Variants in TRPM3 observed in about 807,000 individuals in gnomAD.
TRPM3 encodes transient receptor potential cation channel subfamily M member 3.
A neutral mutation model predicts 181.2 loss-of-function variants in TRPM3; 77 were observed. The observed-to-expected ratio is 0.42, with a 90% CI of 0.35 to 0.51. The LOEUF is 0.51. TRPM3 is among the 20% of genes least tolerant of loss of function. TRPM3 has a pLI of 0.01. For missense variants in TRPM3, 1,759 were observed against 2,196.7 expected (o/e 0.80, Z 3.98); for synonymous variants, 745 against 796.4 (o/e 0.94, Z 1.09).
intron 1 of TRPM3, among the ~76,000 whole-genome samples, chr9:70,958,920 T>C (rs988983934): frequency 1.2e-4 from 18 of 149,794 alleles, no homozygotes; most frequent in Non-Finnish European, 2.5e-4. Flanking sequence ...AACCAAACAC[T>C]GCATGTTCTC....
chr9:71,044,760 C>T (rs2059231395), intron 1 of TRPM3, among the ~76,000 whole-genome samples: 1 of 152,106 alleles, frequency 6.6e-6, no homozygotes, highest in Non-Finnish European at 1.5e-5. Flanking sequence ...CAACCTCCGC[C>T]TCCCGGGTTC....
intron 7 of TRPM3, among the ~76,000 whole-genome samples, chr9:70,770,146 C>T (rs1029123756): frequency 6.6e-6 from 1 of 152,192 alleles, no homozygotes. Context: ...TGGCTCACAC[C>T]TATAATCCCA....
intron 1 of TRPM3, among the ~76,000 whole-genome samples, chr9:71,417,151 A>T (rs2093648897): frequency 6.6e-6 from 1 of 151,974 alleles, no homozygotes; most frequent in African/African-American, 2.4e-5. Context: ...GTGTGGTCAT[A>T]TATTTTCACT....
intron 6 of TRPM3, among the ~76,000 whole-genome samples, chr9:70,804,004 C>A (rs1045821358): frequency 6.6e-6 from 1 of 152,130 alleles, no homozygotes; most frequent in East Asian, 1.9e-4. Context: ...GAGACTAGGA[C>A]TGCCTTCCTC....
At position 71,282,903 on chromosome 9, in the gene TRPM3, C is replaced by A. The variant is rs1026835242; in HGVS notation, c.183+163750G>T. On this transcript the variant is annotated intron_variant, in intron 1 of 24. Transcript: ENST00000357533. ...CTTGTAAGAATGTCTGTCCCTACCC[C>A]TCGGGGCACCGCTGGACGACCATTC... 3.9e-5 allele frequency among the ~76,000 whole-genome samples: 6 copies of A among 152,092 alleles called. No homozygotes were observed. In the South Asian group the frequency reaches 1.2e-3, roughly 31 times the overall value.
At chr9:71,436,309 T>G (rs1407936804) in intron 1 of TRPM3, among the ~76,000 whole-genome samples, 1 of 144,368 alleles carries the variant, frequency 6.9e-6, no homozygotes. Flanking sequence ...TTTTTTTTTT[T>G]TTTTTTTTTT....
At chr9:71,298,331 A>G (rs1300528070) in intron 1 of TRPM3, among the ~76,000 whole-genome samples, 1 of 152,124 alleles carries the variant, frequency 6.6e-6, no homozygotes, top group Non-Finnish European at 1.5e-5. Context: ...TTTCCTTATT[A>G]TGAAGATCAA....
intron 1 of TRPM3, among the ~76,000 whole-genome samples, chr9:71,324,850 G>A (rs1367156138): frequency 6.6e-6 from 1 of 152,050 alleles, no homozygotes; most frequent in Non-Finnish European, 1.5e-5. Context: ...TATCTTAAGT[G>A]AAACAAATAT....
intron 1 of TRPM3, among the ~76,000 whole-genome samples, chr9:71,113,390 C>T (rs1488866056): frequency 1.3e-5 from 2 of 152,104 alleles, no homozygotes; most frequent in African/African-American, 4.8e-5. Flanking sequence ...AATGGGTGAT[C>T]CTAGCAGTTG....
At chr9:71,270,224 C>T (rs1465921535) in intron 1 of TRPM3, among the ~76,000 whole-genome samples, 1 of 152,070 alleles carries the variant, frequency 6.6e-6, no homozygotes, top group African/African-American at 2.4e-5. Flanking sequence ...GTGGTGGGTG[C>T]CTGTAATCAC....
chr9:71,221,315 A>T (rs1504398), intron 1 of TRPM3, among the ~76,000 whole-genome samples: 2 of 151,950 alleles, frequency 1.3e-5, no homozygotes, highest in East Asian at 1.9e-4. Flanking sequence ...ATCCTACAGC[A>T]GAACTGTGCA....
intron 1 of TRPM3, among the ~76,000 whole-genome samples, chr9:70,969,851 T>C (rs1252695184): frequency 6.6e-6 from 1 of 151,198 alleles, no homozygotes; most frequent in East Asian, 1.9e-4. Context: ...GCTTGATACA[T>C]ACTGAATGGT....
chr9:70,895,375 C>T (rs2096267329), intron 1 of TRPM3, among the ~76,000 whole-genome samples: 1 of 152,192 alleles, frequency 6.6e-6, no homozygotes, highest in Non-Finnish European at 1.5e-5. Context: ...TTGCTGAAAT[C>T]TAAAGGGACA....
intron 1 of TRPM3, among the ~76,000 whole-genome samples, chr9:71,048,212 C>T (rs2059680556): frequency 6.6e-6 from 1 of 152,144 alleles, no homozygotes; most frequent in African/African-American, 2.4e-5. Context: ...ATCATTCCAT[C>T]CCCTACACAG....
chr9:70,897,022 C>T (rs1208785317), intron 1 of TRPM3, among the ~76,000 whole-genome samples: 1 of 129,180 alleles, frequency 7.7e-6, no homozygotes, highest in Non-Finnish European at 1.6e-5. Flanking sequence ...CATGTATATA[C>T]TGTGCAATGA....
chr9:70,610,580 C>G, intron 19 of TRPM3, 29 bp downstream of exon 19: 3 of 1,606,270 alleles, frequency 1.9e-6, no homozygotes, highest in Non-Finnish European at 2.6e-6. Flanking sequence ...TGGCCATCCA[C>G]TAGGAAGGAG....
intron 1 of TRPM3, among the ~76,000 whole-genome samples, chr9:70,949,829 T>C (rs1291296933): frequency 6.6e-6 from 1 of 152,180 alleles, no homozygotes; most frequent in Non-Finnish European, 1.5e-5. Context: ...CTGGAGGAAA[T>C]TTAACATTCA....
chr9:70,945,775 T>G (rs1271963649), intron 1 of TRPM3, among the ~76,000 whole-genome samples: 2 of 152,208 alleles, frequency 1.3e-5, no homozygotes, highest in African/African-American at 4.8e-5. Context: ...AAGTTAATTT[T>G]GAGTTAAGTT....
intron 1 of TRPM3, among the ~76,000 whole-genome samples, chr9:70,913,916 C>T (rs1183568142): frequency 6.6e-6 from 1 of 152,152 alleles, no homozygotes; most frequent in East Asian, 1.9e-4. Context: ...AAATATTCTA[C>T]TGGTTATAGA....
Sources: allele counts gnomAD v4.1 joint callset (sites outside exome capture counted in the v4.1 genomes callset), GRCh38; gene constraint gnomAD v4.1.1; transcripts MANE v1.5; gene names NCBI Gene and HGNC (gene_info 2026-07-23, HGNC 2026-07-21).